The following CSMD1 variants were observed in gnomAD, a reference collection of about 807,000 sequenced individuals.
The protein encoded by CSMD1 is CUB and sushi domain-containing protein 1.
In CSMD1, 213 loss-of-function variants were observed where a neutral mutation model predicts 417.5. The ratio of observed to expected loss-of-function variants is 0.51; its 90% CI spans 0.46 to 0.57. The LOEUF is 0.57. CSMD1 is among the 20% of genes least tolerant of loss of function. CSMD1 has a pLI of 0.00. For missense variants in CSMD1, 6,923 were observed against 4,529.7 expected, an observed-to-expected ratio of 1.53 and a Z score of -15.17; for synonymous variants, 2,862 against 1,736.8, an observed-to-expected ratio of 1.65 and a Z score of -16.11.
intron 5 of CSMD1, among the ~76,000 whole-genome samples, chr8:3,991,479 C>G (rs1209373135): frequency 6.6e-6 from 1 of 152,174 alleles, no homozygotes; most frequent in Non-Finnish European, 1.5e-5. Flanking sequence ...CTGATAATAT[C>G]TATCATTATG....
At chr8:4,181,282 T>A (rs1342192971) in intron 3 of CSMD1, among the ~76,000 whole-genome samples, 1 of 152,220 alleles carries the variant, frequency 6.6e-6, no homozygotes, top group African/African-American at 2.4e-5. Context: ...CTGAATTTGA[T>A]ATTTATTGTA....
chr8:3,506,916 C>T (rs1796850895), intron 10 of CSMD1, among the ~76,000 whole-genome samples: 1 of 152,100 alleles, frequency 6.6e-6, no homozygotes, highest in Non-Finnish European at 1.5e-5. Flanking sequence ...ATATTGGCAA[C>T]ATCACTTAAT....
intron 3 of CSMD1, among the ~76,000 whole-genome samples, chr8:4,287,721 C>A (rs1031062798): frequency 4.0e-5 from 6 of 151,186 alleles, no homozygotes; most frequent in Non-Finnish European, 8.8e-5. Context: ...AGAGGGTTAG[C>A]AAGTTACACA....
At chr8:4,622,731 C>T (rs1442347274) in intron 2 of CSMD1, among the ~76,000 whole-genome samples, 1 of 152,060 alleles carries the variant, frequency 6.6e-6, no homozygotes, top group Non-Finnish European at 1.5e-5. Flanking sequence ...GTGTTCCTCA[C>T]TTTTACCACT....
chr8:3,801,375 G>C (rs1800450798), intron 5 of CSMD1, among the ~76,000 whole-genome samples: 1 of 152,064 alleles, frequency 6.6e-6, no homozygotes, highest in Non-Finnish European at 1.5e-5. Context: ...AAGATCATTA[G>C]TCATTTAAGA....
At chr8:4,566,960 A>G (rs1366660013) in intron 2 of CSMD1, among the ~76,000 whole-genome samples, 1 of 151,978 alleles carries the variant, frequency 6.6e-6, no homozygotes, top group African/African-American at 2.4e-5. Context: ...TCGAGACTTT[A>G]GCAGTCTCTG....
chr8:4,340,797 G>C (rs75192728), intron 3 of CSMD1, among the ~76,000 whole-genome samples: 2,374 of 152,148 alleles, frequency 0.016, 59 homozygotes, highest in African/African-American at 0.054. Flanking sequence ...CTTCTAGAGA[G>C]TTAACTATGC....
intron 23 of CSMD1, among the ~76,000 whole-genome samples, chr8:3,329,556 A>G (rs750120803): frequency 3.3e-5 from 5 of 152,172 alleles, no homozygotes; most frequent in African/African-American, 7.2e-5. Flanking sequence ...CCCAAGGCCT[A>G]TGCAATCACA....
At chr8:3,951,657 A>T (rs1343758302) in intron 5 of CSMD1, among the ~76,000 whole-genome samples, 3 of 152,226 alleles carry the variant, frequency 2.0e-5, no homozygotes, top group African/African-American at 7.2e-5. Context: ...AAAATTTTTT[A>T]AAAATTAAAA....
At chr8:4,787,999 G>C (rs879194722) in intron 1 of CSMD1, 9 of 1,591,598 alleles carry the variant, frequency 5.7e-6, no homozygotes, top group African/African-American at 1.3e-5. Context: ...GACAAACAGT[G>C]TTATCGGGAT....
chr8:3,742,755 A>AAAAACC (rs1483378725), intron 6 of CSMD1, among the ~76,000 whole-genome samples: 2 of 151,544 alleles, frequency 1.3e-5, no homozygotes, highest in Non-Finnish European at 1.5e-5. Context: ...AAACAAAAAC[A>AAAAACC]AAACGAAACG....
At chr8:4,295,023 T>C (rs1329968124) in intron 3 of CSMD1, among the ~76,000 whole-genome samples, 1 of 149,246 alleles carries the variant, frequency 6.7e-6, no homozygotes, top group African/African-American at 2.4e-5. Context: ...TAAGATTATA[T>C]ATACATATAA....
chr8:3,756,286 G>C (rs536695622), intron 5 of CSMD1, among the ~76,000 whole-genome samples: 12 of 151,240 alleles, frequency 7.9e-5, no homozygotes, highest in Admixed American at 1.3e-4. Flanking sequence ...CTGGGAGGCA[G>C]AGCTTGCAGT....
chr8:4,330,083 G>C (rs1419359202), intron 3 of CSMD1, among the ~76,000 whole-genome samples: 1 of 151,966 alleles, frequency 6.6e-6, no homozygotes. Flanking sequence ...TTTCTTTAGA[G>C]CAATGCAAGA....
chr8:4,114,456 G>A (rs538260291), intron 3 of CSMD1, among the ~76,000 whole-genome samples: 69 of 152,326 alleles, frequency 4.5e-4, no homozygotes, highest in Admixed American at 1.7e-3. Flanking sequence ...CTTGGACAGA[G>A]ATGCTTAAAG....
At chr8:3,465,366 A>G (rs1271262228) in intron 12 of CSMD1, among the ~76,000 whole-genome samples, 2 of 152,186 alleles carry the variant, frequency 1.3e-5, no homozygotes, top group Non-Finnish European at 2.9e-5. Context: ...TAGAGACAGC[A>G]CAAATGGAGA....
At chr8:4,189,186 T>C (rs956977828) in intron 3 of CSMD1, among the ~76,000 whole-genome samples, 10 of 152,230 alleles carry the variant, frequency 6.6e-5, no homozygotes, top group African/African-American at 1.9e-4. Flanking sequence ...AGCACGTAAG[T>C]GCCCAGCTAT....
intron 8 of CSMD1, among the ~76,000 whole-genome samples, chr8:3,611,458 A>T (rs1437749407): frequency 6.6e-6 from 1 of 152,124 alleles, no homozygotes; most frequent in Admixed American, 6.6e-5. Flanking sequence ...CGATAGACCA[A>T]CTATCACTGC....
Position 3,719,961 on chromosome 8 carries a change from C to A in CSMD1, c.932-11470G>T, listed in dbSNP as rs139932839. ...CTCGTGTGTTTAATAAAGATGATCA[C>A]CACCTGACCCTCAGAGCTGTGGTGA... is the stretch of plus-strand genomic sequence containing the variant. On this transcript the variant is annotated intron_variant, in intron 6 of 69. Transcript: ENST00000635120. Among the ~76,000 whole-genome samples the A allele has an allele frequency of 4.3e-3, 662 of 152,296 alleles. 7 individuals carry two copies. Among genetic ancestry groups the A allele is most frequent in the African/African-American group, 0.015 (624 of 41,564 alleles).
Sources: gnomAD v4.1 joint callset for allele counts (sites outside exome capture counted in the v4.1 genomes callset) on GRCh38, gnomAD v4.1.1 for gene constraint, MANE v1.5 for transcripts, NCBI Gene and HGNC (gene_info 2026-07-23, HGNC 2026-07-21) for gene names.